The following LSM3 variants were observed in gnomAD, a reference collection of about 807,000 sequenced individuals.
LSM3 encodes LSM3 homolog, U6 small nuclear RNA and mRNA degradation associated.
Under a neutral mutation model 15.4 loss-of-function variants are expected in LSM3, and 14 were observed. The observed-to-expected ratio is 0.91, with a 90% CI of 0.60 to 1.42. LSM3 has a LOEUF of 1.42. LSM3 is among the 40% of genes most tolerant of loss of function. The pLI, the probability that LSM3 is intolerant of heterozygous loss-of-function variation, is 0.00. For missense variants in LSM3, 88 were observed against 127.9 expected (o/e 0.69, Z 1.50); for synonymous variants, 46 against 45.1 (o/e 1.02, Z -0.08).
At chr3:14,193,027 C>G (rs936081412) in intron 3 of LSM3, among the ~76,000 whole-genome samples, 4 of 152,114 alleles carry the variant, frequency 2.6e-5, no homozygotes, top group African/African-American at 9.7e-5. Flanking sequence ...ATTTATCCTT[C>G]GCTTATGAAG....
At chr3:14,191,046 A>G (rs1287216453) in intron 3 of LSM3, among the ~76,000 whole-genome samples, 1 of 152,106 alleles carries the variant, frequency 6.6e-6, no homozygotes, top group Non-Finnish European at 1.5e-5. Flanking sequence ...TGGCATAATC[A>G]TGTGGTTTTT....
intron 3 of LSM3, among the ~76,000 whole-genome samples, chr3:14,193,692 G>A (rs1005357151): frequency 1.3e-5 from 2 of 152,042 alleles, no homozygotes; most frequent in Non-Finnish European, 2.9e-5. Flanking sequence ...CTTTTTTCAA[G>A]GTTCTTAGCT....
chr3:14,196,881 A>G (rs1182084545), intron 3 of LSM3, among the ~76,000 whole-genome samples: 1 of 152,224 alleles, frequency 6.6e-6, no homozygotes, highest in Non-Finnish European at 1.5e-5. Flanking sequence ...AGCTGTTTAC[A>G]TCCAAACAAT....
intron 3 of LSM3, among the ~76,000 whole-genome samples, chr3:14,187,605 A>T (rs1228581210): frequency 1.3e-5 from 2 of 152,298 alleles, no homozygotes; most frequent in East Asian, 3.9e-4. Context: ...CCTCTCCAAG[A>T]TGGGAAACCA....
intron 3 of LSM3, among the ~76,000 whole-genome samples, chr3:14,190,794 T>A (rs1272157750): frequency 6.6e-6 from 1 of 152,172 alleles, no homozygotes; most frequent in African/African-American, 2.4e-5. Flanking sequence ...TTCTCTTGCC[T>A]GATTGCCCTG....
At chr3:14,181,130 A>G (rs905782785) in intron 1 of LSM3, among the ~76,000 whole-genome samples, 1 of 151,982 alleles carries the variant, frequency 6.6e-6, no homozygotes, top group Admixed American at 6.6e-5. Flanking sequence ...CCATAAACCT[A>G]CACCTCTATT....
rs138183167 is a variant in LSM3, at chr3:14,183,648, C to G, written c.133-289C>G. Among the ~76,000 whole-genome samples the G allele has an allele frequency of 3.9e-5, 6 of 152,226 alleles. No homozygotes were observed. In the East Asian group the frequency reaches 1.2e-3, roughly 29 times the overall value. ...TAAATGATGTGACTGCCTTAGATAA[C>G]AAGTGGGGTGGAGACTTTAAAAATA... On this transcript the variant is annotated intron_variant, in intron 2 of 3. Coordinates refer to ENST00000306024, the MANE Select transcript of LSM3 (RefSeq NM_014463.3).
chr3:14,184,042 G>A lies in LSM3; in HGVS notation c.228+10G>A, dbSNP rs1163528823. On this transcript the variant is annotated intron_variant, in intron 3 of 3. Coordinates refer to ENST00000306024, the MANE Select transcript of LSM3 (RefSeq NM_014463.3). ...TGAAGAGATATATAAAGTAAGTCAT[G>A]CAATTCTATTCATTGCTTTGCAAAT... The A allele has an allele frequency of 1.9e-6, 3 of 1,600,240 alleles. No homozygotes were observed. The highest frequency in any genetic ancestry group is 1.1e-5 in the South Asian group (1 of 87,982).
At chr3:14,191,798 C>G (rs1013310056) in intron 3 of LSM3, among the ~76,000 whole-genome samples, 5 of 151,722 alleles carry the variant, frequency 3.3e-5, no homozygotes, top group Non-Finnish European at 5.9e-5. Flanking sequence ...CTGGTCTGAT[C>G]TTGGTTATTT....
At chr3:14,184,869 A>G (rs1366902610) in intron 3 of LSM3, among the ~76,000 whole-genome samples, 1 of 151,936 alleles carries the variant, frequency 6.6e-6, no homozygotes, top group Non-Finnish European at 1.5e-5. Context: ...CAGCCTGACC[A>G]ATATGGTGAA....
At chr3:14,193,031 T>C (rs913208239) in intron 3 of LSM3, among the ~76,000 whole-genome samples, 1 of 152,218 alleles carries the variant, frequency 6.6e-6, no homozygotes, top group African/African-American at 2.4e-5. Flanking sequence ...ATCCTTCGCT[T>C]ATGAAGCTTA....
In LSM3 at chr3:14,189,233, T is replaced by C. The variant is rs138075055; in HGVS notation, c.228+5201T>C. On this transcript the variant is annotated intron_variant, in intron 3 of 3. Coordinates refer to ENST00000306024, the MANE Select transcript of LSM3 (RefSeq NM_014463.3). ...CACATTTGGGTTGGTTCCAAGTCTT[T>C]GCTATTGTGAATAGTGCCGCAATAA... 6.7e-3 allele frequency among the ~76,000 whole-genome samples: 1,026 copies of C among 152,352 alleles called. 14 individuals are homozygous for C. Among genetic ancestry groups the C allele is most frequent in the African/African-American group, 0.023 (970 of 41,580 alleles).
At chr3:14,194,940 G>A (rs927109747) in intron 3 of LSM3, among the ~76,000 whole-genome samples, 1 of 151,930 alleles carries the variant, frequency 6.6e-6, no homozygotes, top group Non-Finnish European at 1.5e-5. Context: ...CTCACACATG[G>A]GTTGTTGAAA....
intron 1 of LSM3, among the ~76,000 whole-genome samples, chr3:14,179,439 A>G (rs550539488): frequency 6.6e-6 from 1 of 152,362 alleles, no homozygotes; most frequent in Admixed American, 6.5e-5. Context: ...AGATGGTCCT[A>G]GAAGCTTTTT....
At chr3:14,194,552 A>G (rs1697170622) in intron 3 of LSM3, among the ~76,000 whole-genome samples, 1 of 152,162 alleles carries the variant, frequency 6.6e-6, no homozygotes. Flanking sequence ...TACCTGACAC[A>G]TAATGGGCAC....
rs1368675683 is a variant in LSM3, at chr3:14,198,321, A to G, written c.*205A>G. The G allele has an allele frequency of 1.9e-6, 1 of 535,066 alleles. No individual in the cohort carries two copies. The highest frequency in any genetic ancestry group is 3.3e-6 in the Non-Finnish European group (1 of 302,454). 33.1% of individuals were successfully genotyped at this position (535,066 alleles called of 1,614,324 possible). On this transcript the variant is annotated 3_prime_UTR_variant, in exon 4 of 4. Transcript: ENST00000306024. ...TATTTTCATTTTTCTCAAGCTCTCC[A>G]ATAAATATGACCACCAAGATGCAGA...
intron 2 of LSM3, among the ~76,000 whole-genome samples, chr3:14,182,202 A>G (rs1483277027): frequency 3.3e-5 from 5 of 152,228 alleles, no homozygotes; most frequent in African/African-American, 1.2e-4. Context: ...TCTACAAAAA[A>G]TAAAATTTAA....
At chr3:14,192,399 T>C (rs762658218) in intron 3 of LSM3, among the ~76,000 whole-genome samples, 6 of 152,180 alleles carry the variant, frequency 3.9e-5, no homozygotes, top group Non-Finnish European at 5.9e-5. Context: ...TCTCCCGCAA[T>C]TATTGTGTGG....
intron 1 of LSM3, among the ~76,000 whole-genome samples, chr3:14,180,269 T>G (rs529242577): frequency 1.3e-5 from 2 of 152,244 alleles, no homozygotes; most frequent in East Asian, 3.9e-4. Context: ...AATAGGAATC[T>G]TTTCTTTTCC....
Sources: gnomAD v4.1 joint callset for allele counts (sites outside exome capture counted in the v4.1 genomes callset) on GRCh38, gnomAD v4.1.1 for gene constraint, MANE v1.5 for transcripts, NCBI Gene and HGNC (gene_info 2026-07-23, HGNC 2026-07-21) for gene names.